The following LRRC49 variants were observed in gnomAD, a reference collection of about 807,000 sequenced individuals.
LRRC49 encodes leucine-rich repeat-containing protein 49.
In LRRC49, 50 loss-of-function variants were observed where a neutral mutation model predicts 83.3. The observed-to-expected ratio is 0.60, with a 90% CI of 0.48 to 0.76. LRRC49 has a LOEUF of 0.76. LRRC49 is among the 30% of genes least tolerant of loss of function. The pLI is 0.00. For synonymous variants in LRRC49, 286 were observed against 283.3 expected, an observed-to-expected ratio of 1.01 and a Z score of -0.10; for missense variants, 704 against 809.1, an observed-to-expected ratio of 0.87 and a Z score of 1.58.
At chr15:70,856,863 G>C (rs930990230) in intron 1 of LRRC49, among the ~76,000 whole-genome samples, 1 of 152,138 alleles carries the variant, frequency 6.6e-6, no homozygotes, top group Non-Finnish European at 1.5e-5. Context: ...CATCATTTGT[G>C]TCACTGGTGA....
chr15:71,046,354 G>A (rs1713568), intron 15 of LRRC49, among the ~76,000 whole-genome samples: 70,212 of 151,846 alleles, frequency 0.46, 16,486 homozygotes, highest in East Asian at 0.64. Context: ...CCACAGCCTC[G>A]CCAGCATCTG....
intron 9 of LRRC49, among the ~76,000 whole-genome samples, chr15:70,972,328 T>C (rs1249772796): frequency 6.6e-6 from 1 of 152,218 alleles, no homozygotes; most frequent in Non-Finnish European, 1.5e-5. Context: ...CTCTTCTGGC[T>C]TGTAGGGTTT....
intron 1 of LRRC49, chr15:70,893,208 T>C (rs1001164898): frequency 1.7e-6 from 1 of 585,984 alleles, no homozygotes; most frequent in Non-Finnish European, 3.0e-6. Context: ...TAAATTCCTT[T>C]GGCCAGTCAA....
upstream of LRRC49, among the ~76,000 whole-genome samples, chr15:70,889,954 C>G (rs1361518999): frequency 6.6e-6 from 1 of 152,168 alleles, no homozygotes; most frequent in African/African-American, 2.4e-5. Context: ...ACCTTATATA[C>G]TTTTAAAGTG....
chr15:70,892,843 G>T lies in LRRC49; in HGVS notation c.-52G>T, dbSNP rs867572374. On this transcript the variant is annotated 5_prime_UTR_variant, in exon 1 of 16. Coordinates refer to ENST00000260382, the MANE Select transcript of LRRC49 (RefSeq NM_017691.5). ...TTTCGGGTCTCTTTGAATCTCCGCTGTAGCGTCACCTGGAAGGCAGATCTA... is the reference window on the plus strand; with the variant it reads ...TTTCGGGTCTCTTTGAATCTCCGCTTTAGCGTCACCTGGAAGGCAGATCTA... 3.7e-6 allele frequency: 6 copies of T among 1,614,176 alleles called. No homozygotes were observed. Among genetic ancestry groups the T allele is most frequent in the Middle Eastern group, 1.6e-4 (1 of 6,062 alleles).
chr15:71,044,459 T>G, intron 15 of LRRC49, among the ~76,000 whole-genome samples: 1 of 152,218 alleles, frequency 6.6e-6, no homozygotes, highest in East Asian at 1.9e-4. Context: ...TTACATTAAT[T>G]AATCAGGAAT....
At chr15:71,048,949 C>T in intron 15 of LRRC49, 1 of 412,426 alleles carries the variant, frequency 2.4e-6, no homozygotes, top group Non-Finnish European at 4.8e-6. Flanking sequence ...TATGCTTTCC[C>T]ATAATAGAGG....
chr15:70,872,397 C>A (rs1024484571), intron 1 of LRRC49, among the ~76,000 whole-genome samples: 4 of 118,756 alleles, frequency 3.4e-5, no homozygotes, highest in Admixed American at 3.1e-4. Flanking sequence ...AAGTGGGAGA[C>A]GGAGACGTAG....
chr15:70,988,809 G>A (rs1270451680), intron 11 of LRRC49, among the ~76,000 whole-genome samples: 5 of 152,150 alleles, frequency 3.3e-5, no homozygotes, highest in South Asian at 4.2e-4. Context: ...GCTTCCTTCA[G>A]GAGCTCTTTT....
At chr15:70,867,926 A>ACTC (rs1261915792) in intron 1 of LRRC49, among the ~76,000 whole-genome samples, 1 of 151,658 alleles carries the variant, frequency 6.6e-6, no homozygotes, top group African/African-American at 2.4e-5. Context: ...GGTGCTCTGT[A>ACTC]CTCCTCTCTG....
upstream of LRRC49, chr15:70,891,863 T>C (rs757873583): frequency 1.1e-5 from 18 of 1,601,634 alleles, no homozygotes; most frequent in Non-Finnish European, 1.5e-5. Flanking sequence ...TGCAGCCTGC[T>C]TCCCAGCTCG....
At position 70,990,239 on chromosome 15, in the gene LRRC49, G is replaced by A. The variant is rs529202163; in HGVS notation, c.1169+5982G>A. ...TTGTCTGTGCCCTGCCCCCAGAGGTGGAGCCTACAGAGGCAGGCAGGCCTC... is the reference window on the plus strand; with the variant it reads ...TTGTCTGTGCCCTGCCCCCAGAGGTAGAGCCTACAGAGGCAGGCAGGCCTC... On this transcript the variant is annotated intron_variant, in intron 11 of 15. Transcript: ENST00000260382. Among the ~76,000 whole-genome samples, 6 of 152,344 alleles carry A rather than the reference G, an allele frequency of 3.9e-5. No homozygotes were observed. In the South Asian group the frequency reaches 1.2e-3, roughly 32 times the overall value.
intron 8 of LRRC49, among the ~76,000 whole-genome samples, chr15:70,946,901 CT>C (rs896631539): frequency 4.6e-5 from 7 of 151,782 alleles, no homozygotes; most frequent in South Asian, 4.2e-4. Context: ...ATTGTAGTCC[CT>C]TTTTTTTCAT....
At chr15:70,960,618 G>T (rs1465831612) in intron 8 of LRRC49, among the ~76,000 whole-genome samples, 3 of 152,102 alleles carry the variant, frequency 2.0e-5, no homozygotes, top group African/African-American at 7.2e-5. Context: ...AAAAGGCCCA[G>T]AAATAGACCC....
intron 1 of LRRC49, among the ~76,000 whole-genome samples, chr15:70,860,648 A>C (rs575332520): frequency 6.6e-6 from 1 of 152,288 alleles, no homozygotes; most frequent in South Asian, 2.1e-4. Flanking sequence ...TGGCCTCCCA[A>C]AGTGCTGGAA....
At chr15:71,003,691 C>T (rs1161022744) in intron 11 of LRRC49, among the ~76,000 whole-genome samples, 1 of 152,132 alleles carries the variant, frequency 6.6e-6, no homozygotes. Context: ...CTAATCTTCA[C>T]AACAACTCTG....
intron 14 of LRRC49, among the ~76,000 whole-genome samples, chr15:71,016,791 G>C (rs1212922033): frequency 1.3e-5 from 2 of 152,036 alleles, no homozygotes; most frequent in Non-Finnish European, 2.9e-5. Context: ...CTTATAAAAA[G>C]TAACTCTGAC....
At chr15:71,018,284 TGAA>T (rs1413456432) in intron 14 of LRRC49, among the ~76,000 whole-genome samples, 5 of 152,186 alleles carry the variant, frequency 3.3e-5, no homozygotes, top group Non-Finnish European at 5.9e-5. Context: ...GTAGAGTAGT[TGAA>T]GAGTGCTTTT....
At chr15:70,914,960 C>T (rs1016171523) in intron 6 of LRRC49, among the ~76,000 whole-genome samples, 1 of 152,148 alleles carries the variant, frequency 6.6e-6, no homozygotes. Context: ...TATTAAGAAG[C>T]CTTGCAGACT....
Sources: gnomAD v4.1 joint callset for allele counts (sites outside exome capture counted in the v4.1 genomes callset) on GRCh38, gnomAD v4.1.1 for gene constraint, MANE v1.5 for transcripts, NCBI Gene and HGNC (gene_info 2026-07-23, HGNC 2026-07-21) for gene names.